Variants in POU6F2 observed in about 807,000 individuals in gnomAD.
The protein encoded by POU6F2 is POU domain, class 6, transcription factor 2.
A neutral mutation model predicts 71.3 loss-of-function variants in POU6F2; 31 were observed. That is an observed-to-expected ratio of 0.43 (90% confidence interval 0.33 to 0.59). POU6F2 has a LOEUF of 0.59. Among genes scored for constraint, POU6F2 ranks in the 20% least tolerant of loss-of-function variants. The pLI is 0.04. For synonymous variants in POU6F2, 347 were observed against 355.7 expected (o/e 0.98, Z 0.27); for missense variants, 783 against 856.8 (o/e 0.91, Z 1.07).
At chr7:39,412,233 T>C (rs1407148380) in intron 6 of POU6F2, among the ~76,000 whole-genome samples, 5 of 152,226 alleles carry the variant, frequency 3.3e-5, no homozygotes, top group African/African-American at 7.2e-5. Context: ...GTGCCTGATA[T>C]ATGCCATAAG....
chr7:39,127,117 GATT>G (rs1251531146), intron 2 of POU6F2, among the ~76,000 whole-genome samples: 5 of 152,274 alleles, frequency 3.3e-5, no homozygotes, highest in South Asian at 4.2e-4. Flanking sequence ...AAAATGTAAA[GATT>G]ATTAGTGAGA....
At chr7:39,106,377 A>G (rs1023853830) in intron 2 of POU6F2, among the ~76,000 whole-genome samples, 1 of 152,236 alleles carries the variant, frequency 6.6e-6, no homozygotes, top group Non-Finnish European at 1.5e-5. Flanking sequence ...CATGTTCCAG[A>G]TGATGTGTAA....
chr7:38,991,643 A>G (rs1404564811), intron 1 of POU6F2, among the ~76,000 whole-genome samples: 1 of 152,200 alleles, frequency 6.6e-6, no homozygotes, highest in Non-Finnish European at 1.5e-5. Flanking sequence ...CCAGGGGAAC[A>G]GAGTGCCTCC....
chr7:39,221,229 G>C (rs1057143406), intron 4 of POU6F2, among the ~76,000 whole-genome samples: 1 of 151,974 alleles, frequency 6.6e-6, no homozygotes. Flanking sequence ...CATGTAAATT[G>C]TGGACCTTCA....
intron 2 of POU6F2, among the ~76,000 whole-genome samples, chr7:39,198,888 T>C (rs1793839081): frequency 6.6e-6 from 1 of 152,222 alleles, no homozygotes; most frequent in African/African-American, 2.4e-5. Flanking sequence ...GGACTTTTGC[T>C]CTGCTTAGCT....
intron 2 of POU6F2, among the ~76,000 whole-genome samples, chr7:39,141,870 G>A (rs1467324369): frequency 3.9e-5 from 6 of 152,096 alleles, no homozygotes; most frequent in East Asian, 1.9e-4. Context: ...AGCGGATCAC[G>A]AGGTCAGGAG....
intron 4 of POU6F2, among the ~76,000 whole-genome samples, chr7:39,233,979 A>G (rs952233750): frequency 2.0e-5 from 3 of 152,136 alleles, no homozygotes; most frequent in African/African-American, 7.2e-5. Context: ...ATGTTCTGCT[A>G]CCAATAGTCA....
At chr7:39,202,185 A>G (rs1793918802) in intron 2 of POU6F2, among the ~76,000 whole-genome samples, 1 of 152,212 alleles carries the variant, frequency 6.6e-6, no homozygotes, top group African/African-American at 2.4e-5. Context: ...AGGGGAACAA[A>G]TGCACAATCT....
At chr7:38,996,591 C>T (rs969319619) in intron 1 of POU6F2, among the ~76,000 whole-genome samples, 1 of 152,188 alleles carries the variant, frequency 6.6e-6, no homozygotes, top group Admixed American at 6.5e-5. Flanking sequence ...ACATCCATGA[C>T]TTTCCCTTCA....
At chr7:39,453,326 C>T (rs1194455973) in intron 8 of POU6F2, among the ~76,000 whole-genome samples, 1 of 151,930 alleles carries the variant, frequency 6.6e-6, no homozygotes, top group Non-Finnish European at 1.5e-5. Context: ...AACTTTTCCT[C>T]GGGAAGAGTC....
intron 4 of POU6F2, among the ~76,000 whole-genome samples, chr7:39,298,941 G>C (rs1338147962): frequency 6.6e-6 from 1 of 152,154 alleles, no homozygotes; most frequent in African/African-American, 2.4e-5. Context: ...TCACTTGTAA[G>C]TGGGAGTTGA....
At chr7:39,153,297 A>G (rs1361992872) in intron 2 of POU6F2, among the ~76,000 whole-genome samples, 1 of 152,170 alleles carries the variant, frequency 6.6e-6, no homozygotes, top group African/African-American at 2.4e-5. Context: ...ATTGATCTGT[A>G]TTTGAACTGA....
chr7:39,418,987 G>GTATATATGTGTT (rs1787760123), intron 6 of POU6F2, among the ~76,000 whole-genome samples: 14 of 133,978 alleles, frequency 1.0e-4, no homozygotes, highest in East Asian at 2.2e-4. Context: ...ATATATATGT[G>GTATATATGTGTT]TATATATGTG....
At chr7:39,419,774 A>G (rs926927780) in intron 6 of POU6F2, among the ~76,000 whole-genome samples, 4 of 152,134 alleles carry the variant, frequency 2.6e-5, no homozygotes, top group Non-Finnish European at 4.4e-5. Context: ...TGCAGAGAAG[A>G]CCAGTTTGAT....
intron 8 of POU6F2, among the ~76,000 whole-genome samples, chr7:39,452,149 T>C (rs960698604): frequency 1.2e-4 from 18 of 152,194 alleles, no homozygotes; most frequent in African/African-American, 4.3e-4. Context: ...AAAGAGAGCA[T>C]GCCTGTGGGC....
intron 8 of POU6F2, among the ~76,000 whole-genome samples, chr7:39,458,322 T>G (rs1444302278): frequency 6.6e-6 from 1 of 152,104 alleles, no homozygotes; most frequent in Non-Finnish European, 1.5e-5. Context: ...TCTTCTAACA[T>G]TCAGAAGAGT....
chr7:39,284,312 T>A (rs1167325899), intron 4 of POU6F2, among the ~76,000 whole-genome samples: 1 of 152,228 alleles, frequency 6.6e-6, no homozygotes, highest in Non-Finnish European at 1.5e-5. Flanking sequence ...GGAAGTCATA[T>A]AATAAACTCC....
At chr7:39,257,801 G>A (rs1170228385) in intron 4 of POU6F2, among the ~76,000 whole-genome samples, 1 of 150,584 alleles carries the variant, frequency 6.6e-6, no homozygotes, top group African/African-American at 2.4e-5. Context: ...AGTTCTGTGT[G>A]CCCATTGAGG....
At chr7:39,398,962 G>A (rs566169843) in intron 5 of POU6F2, among the ~76,000 whole-genome samples, 82 of 152,152 alleles carry the variant, frequency 5.4e-4, no homozygotes, top group Non-Finnish European at 2.6e-4. Context: ...GCTAACTACG[G>A]GCAGCCTCAG....
Sources: gnomAD v4.1 joint callset for allele counts (sites outside exome capture counted in the v4.1 genomes callset) on GRCh38, gnomAD v4.1.1 for gene constraint, MANE v1.5 for transcripts, NCBI Gene and HGNC (gene_info 2026-07-23, HGNC 2026-07-21) for gene names.